CSMD3: variants seen among roughly 807,000 people sequenced by gnomAD.
CSMD3 encodes CUB and sushi domain-containing protein 3.
In CSMD3, 177 loss-of-function variants were observed where a neutral mutation model predicts 435.2. That is an observed-to-expected ratio of 0.41 (90% CI 0.36 to 0.46). The LOEUF is 0.46. Ranked by LOEUF, CSMD3 falls within the 20% of genes least tolerant of loss-of-function variation. The pLI, the probability that CSMD3 is intolerant of heterozygous loss-of-function variation, is 0.34. For synonymous variants in CSMD3, 1,656 were observed against 1,520.5 expected (o/e 1.09, Z -2.07); for missense variants, 4,265 against 4,504.6 (o/e 0.95, Z 1.52).
chr8:112,609,742 T>C (rs923851402), intron 22 of CSMD3, among the ~76,000 whole-genome samples: 1 of 152,048 alleles, frequency 6.6e-6, no homozygotes, highest in African/African-American at 2.4e-5. Flanking sequence ...TGCCAAGATA[T>C]AGAAACAACC....
At chr8:112,870,322 G>A (rs2081097417) in intron 10 of CSMD3, among the ~76,000 whole-genome samples, 2 of 150,592 alleles carry the variant, frequency 1.3e-5, no homozygotes, top group Admixed American at 1.3e-4. Context: ...AGGCTGGAGT[G>A]CAGTGGCTCG....
At chr8:113,332,321 A>C (rs1436088642) in intron 1 of CSMD3, among the ~76,000 whole-genome samples, 1 of 151,276 alleles carries the variant, frequency 6.6e-6, no homozygotes, top group African/African-American at 2.4e-5. Context: ...AAAAAAAAAA[A>C]AGATATCTTC....
chr8:112,794,238 T>C (rs182327952), intron 13 of CSMD3, among the ~76,000 whole-genome samples: 82 of 151,904 alleles, frequency 5.4e-4, no homozygotes, highest in Admixed American at 3.0e-3. Context: ...AAATATTTTC[T>C]TTTACCCAGA....
In CSMD3 at chr8:112,231,645, A is replaced by G. The variant is rs777273246; in HGVS notation, c.10741-13T>C. On this transcript the variant is annotated splice_polypyrimidine_tract_variant and intron_variant, in intron 68 of 70. Transcript: ENST00000297405. ...GCTCAGCAGAAACCTAAAAATATTT[A>G]AACAGCCAAATATACTTGAATACTG... is the stretch of plus-strand genomic sequence containing the variant. The G allele has an allele frequency of 1.3e-6, 2 of 1,491,838 alleles. No homozygotes were observed. Among genetic ancestry groups the G allele is most frequent in the Non-Finnish European group, 1.9e-6 (2 of 1,068,954 alleles). 92.4% of individuals were successfully genotyped at this position (1,491,838 alleles called of 1,614,324 possible). A position where few individuals can be genotyped will look rare whatever the true frequency, so the allele number is the denominator to read the frequency against.
intron 39 of CSMD3, 81 bp downstream of exon 39, chr8:112,352,335 C>A: frequency 6.3e-7 from 1 of 1,598,960 alleles, no homozygotes; most frequent in Admixed American, 1.7e-5. Flanking sequence ...GTTGTAAAAC[C>A]CGTGGCTTAT....
chr8:113,097,430 T>G (rs2090198695), intron 5 of CSMD3, among the ~76,000 whole-genome samples: 1 of 152,002 alleles, frequency 6.6e-6, no homozygotes, highest in African/African-American at 2.4e-5. Flanking sequence ...TCTCTTACCT[T>G]TTCAAATGAC....
intron 4 of CSMD3, among the ~76,000 whole-genome samples, chr8:113,142,181 T>C (rs754411829): frequency 1.1e-4 from 16 of 151,190 alleles, no homozygotes; most frequent in Non-Finnish European, 1.8e-4. Context: ...ACAATAAAGA[T>C]GTCAATTTTT....
chr8:112,587,495 G>A (rs531048185), intron 22 of CSMD3, among the ~76,000 whole-genome samples: 2 of 151,744 alleles, frequency 1.3e-5, no homozygotes, highest in South Asian at 4.1e-4. Flanking sequence ...CTGGATTAAA[G>A]GATAGCATAG....
intron 12 of CSMD3, among the ~76,000 whole-genome samples, chr8:112,810,769 A>G (rs1447105900): frequency 6.6e-6 from 1 of 152,112 alleles, no homozygotes. Flanking sequence ...TGATTGATGA[A>G]AACTCTGAAT....
At chr8:112,578,638 C>T (rs1185961091) in intron 23 of CSMD3, among the ~76,000 whole-genome samples, 1 of 151,960 alleles carries the variant, frequency 6.6e-6, no homozygotes, top group African/African-American at 2.4e-5. Context: ...AATGTGTATA[C>T]TTGTACATAA....
intron 4 of CSMD3, among the ~76,000 whole-genome samples, chr8:113,172,965 TTG>T (rs2092292168): frequency 6.6e-6 from 1 of 152,180 alleles, no homozygotes; most frequent in Non-Finnish European, 1.5e-5. Flanking sequence ...TATTATATTA[TTG>T]TGTTTTCCCC....
intron 15 of CSMD3, among the ~76,000 whole-genome samples, chr8:112,682,902 T>C (rs1032411124): frequency 2.6e-4 from 39 of 152,272 alleles, no homozygotes; most frequent in African/African-American, 9.4e-4. Flanking sequence ...TTATTTCTGC[T>C]TATTTCTGGA....
rs972988621 is a variant in CSMD3, at chr8:112,852,991, G to A, written c.1755+6154C>T. Among the ~76,000 whole-genome samples the A allele has an allele frequency of 4.6e-5, 7 of 152,082 alleles. 1 individual carries two copies. Among genetic ancestry groups the A allele is most frequent in the Admixed American group, 3.9e-4 (6 of 15,272 alleles). On this transcript the variant is annotated intron_variant, in intron 11 of 70. Coordinates refer to ENST00000297405, the MANE Select transcript of CSMD3 (RefSeq NM_198123.2). ...TATATTAATAATACAAATACATTTT[G>A]GAATTTTTATTAGTAATGTTATATA...
chr8:112,342,506 T>C (rs920324069), intron 41 of CSMD3, among the ~76,000 whole-genome samples: 4 of 152,168 alleles, frequency 2.6e-5, no homozygotes, highest in East Asian at 1.9e-4. Context: ...CTACACATTA[T>C]ATATATTACC....
intron 27 of CSMD3, among the ~76,000 whole-genome samples, chr8:112,549,318 C>T (rs185266573): frequency 2.6e-5 from 4 of 151,978 alleles, no homozygotes; most frequent in South Asian, 2.1e-4. Context: ...TTTTCTAATT[C>T]GGAGCCATTT....
chr8:113,169,367 A>G (rs1003333353), intron 4 of CSMD3, among the ~76,000 whole-genome samples: 1 of 152,050 alleles, frequency 6.6e-6, no homozygotes, highest in African/African-American at 2.4e-5. Context: ...CTAACATCCA[A>G]GCTTCTCCAA....
intron 53 of CSMD3, among the ~76,000 whole-genome samples, chr8:112,300,894 A>G (rs1249382494): frequency 1.3e-5 from 2 of 152,176 alleles, no homozygotes; most frequent in Non-Finnish European, 2.9e-5. Context: ...CTTTTCTGCC[A>G]TGTGTCATAT....
In CSMD3 at chr8:113,351,642, G is replaced by C. The variant is rs140590284; in HGVS notation, c.179-36849C>G. Among the ~76,000 whole-genome samples, 12 of 152,208 alleles carry C rather than the reference G, an allele frequency of 7.9e-5. No homozygotes were observed. In the East Asian group the frequency reaches 2.3e-3, roughly 29 times the overall value. Reference sequence around the variant, plus strand: ...CACTATGGAAATCAGTACATATTAAGATGCAGCTGCTGAGTGTTTCTTAAA... The same window carrying C: ...CACTATGGAAATCAGTACATATTAACATGCAGCTGCTGAGTGTTTCTTAAA... On this transcript the variant is annotated intron_variant, in intron 1 of 70. Coordinates refer to ENST00000297405, the MANE Select transcript of CSMD3 (RefSeq NM_198123.2).
chr8:113,193,784 A>G (rs1588246492), intron 3 of CSMD3, among the ~76,000 whole-genome samples: 1 of 151,450 alleles, frequency 6.6e-6, no homozygotes, highest in Admixed American at 6.6e-5. Context: ...TAAAACCTCT[A>G]TGTAATCTTA....
Sources: allele counts gnomAD v4.1 joint callset (sites outside exome capture counted in the v4.1 genomes callset), GRCh38; gene constraint gnomAD v4.1.1; transcripts MANE v1.5; gene names NCBI Gene and HGNC (gene_info 2026-07-23, HGNC 2026-07-21).